Variants in TNFSF4 observed in about 807,000 individuals in gnomAD.
TNFSF4 encodes tumor necrosis factor ligand superfamily member 4.
TNFSF4 carries 4 observed loss-of-function variants against 7.3 expected under a neutral mutation model. The ratio of observed to expected loss-of-function variants is 0.55; its 90% CI spans 0.27 to 1.25. The LOEUF (loss-of-function observed/expected upper bound fraction) is 1.25, where lower values mean the gene tolerates loss of function less well. Among genes scored for constraint, TNFSF4 ranks in the 50% most tolerant of loss-of-function variants. The pLI, the probability that TNFSF4 is intolerant of heterozygous loss-of-function variation, is 0.12. For synonymous variants in TNFSF4, 76 were observed against 83.7 expected (o/e 0.91, Z 0.50); for missense variants, 181 against 208.8 (o/e 0.87, Z 0.82).
At chr1:173,215,608 T>C in the TNFSF4 span, among the ~76,000 whole-genome samples, 1 of 152,214 alleles carries the variant, frequency 6.6e-6, no homozygotes, top group African/African-American at 2.4e-5. Flanking sequence ...TGTTATGGTG[T>C]TGCAAAACAA....
the TNFSF4 span, among the ~76,000 whole-genome samples, chr1:173,359,381 A>T: frequency 6.6e-6 from 1 of 151,956 alleles, no homozygotes. Context: ...TGTTTGGAAT[A>T]AAAAGATTTT....
At chr1:173,416,191 C>T in the TNFSF4 span, among the ~76,000 whole-genome samples, 11 of 151,940 alleles carry the variant, frequency 7.2e-5, no homozygotes, top group Admixed American at 6.6e-5. Flanking sequence ...GCTCTCTGGG[C>T]ACATGTAGGC....
At chr1:173,392,776 G>A in the TNFSF4 span, among the ~76,000 whole-genome samples, 1 of 152,098 alleles carries the variant, frequency 6.6e-6, no homozygotes, top group Admixed American at 6.5e-5. Flanking sequence ...AAGGTAGGAG[G>A]AAAAGCCTTA....
the TNFSF4 span, among the ~76,000 whole-genome samples, chr1:173,233,348 T>A: frequency 5.3e-5 from 8 of 152,134 alleles, no homozygotes; most frequent in African/African-American, 1.9e-4. Context: ...CAAATCTACG[T>A]CTGATTGGTG....
chr1:173,311,211 AT>A, the TNFSF4 span, among the ~76,000 whole-genome samples: 1 of 151,956 alleles, frequency 6.6e-6, no homozygotes, highest in East Asian at 1.9e-4. Flanking sequence ...TGGATTGACC[AT>A]TTTTTATTAT....
the TNFSF4 span, chr1:173,362,653 C>A: frequency 2.3e-6 from 1 of 438,248 alleles, no homozygotes; most frequent in South Asian, 2.0e-5. Context: ...TCCATTCATC[C>A]TGTAAAGTCT....
At chr1:173,282,838 C>A in the TNFSF4 span, among the ~76,000 whole-genome samples, 1 of 152,102 alleles carries the variant, frequency 6.6e-6, no homozygotes. Context: ...ATAATAAATT[C>A]TTACTAAGGT....
chr1:173,312,028 T>C, the TNFSF4 span, among the ~76,000 whole-genome samples: 1 of 152,256 alleles, frequency 6.6e-6, no homozygotes, highest in South Asian at 2.1e-4. Context: ...TTCCATTTAC[T>C]TGATTCTGGT....
At chr1:173,439,625 T>C in the TNFSF4 span, among the ~76,000 whole-genome samples, 2 of 152,138 alleles carry the variant, frequency 1.3e-5, no homozygotes, top group Non-Finnish European at 2.9e-5. Context: ...GAGAAGAAAG[T>C]TGTATGTGAC....
the TNFSF4 span, among the ~76,000 whole-genome samples, chr1:173,439,631 G>A: frequency 6.6e-6 from 1 of 152,210 alleles, no homozygotes; most frequent in Non-Finnish European, 1.5e-5. Context: ...AAAGTTGTAT[G>A]TGACAAGAAG....
At chr1:173,181,592 C>T (rs1435361416), downstream of TNFSF4, among the ~76,000 whole-genome samples, 2 of 152,124 alleles carry the variant, frequency 1.3e-5, no homozygotes, top group African/African-American at 4.8e-5. Context: ...AGGGCTCTGG[C>T]ATAATGGTAG....
At chr1:173,219,618 T>C in the TNFSF4 span, among the ~76,000 whole-genome samples, 2 of 152,074 alleles carry the variant, frequency 1.3e-5, no homozygotes, top group Admixed American at 6.6e-5. Flanking sequence ...TGCAAAAATA[T>C]GGAACCAGCT....
the TNFSF4 span, among the ~76,000 whole-genome samples, chr1:173,231,295 A>G: frequency 6.6e-6 from 1 of 152,198 alleles, no homozygotes; most frequent in Non-Finnish European, 1.5e-5. Context: ...TTCAACATAC[A>G]CAAATCAATA....
chr1:173,218,426 A>C, the TNFSF4 span, among the ~76,000 whole-genome samples: 1 of 152,144 alleles, frequency 6.6e-6, no homozygotes, highest in Admixed American at 6.5e-5. Flanking sequence ...GCCACCGCCC[A>C]CTTCCTCACA....
upstream of TNFSF4, among the ~76,000 whole-genome samples, chr1:173,209,486 G>A (rs548104577): frequency 8.6e-5 from 13 of 152,002 alleles, no homozygotes; most frequent in South Asian, 2.1e-4. Flanking sequence ...TAAATCTATG[G>A]GCAATTTTTT....
the TNFSF4 span, among the ~76,000 whole-genome samples, chr1:173,428,287 G>A: frequency 1.3e-5 from 2 of 152,234 alleles, no homozygotes; most frequent in East Asian, 1.9e-4. Flanking sequence ...ATGGTTCATC[G>A]TTGACAGAAT....
downstream of TNFSF4, among the ~76,000 whole-genome samples, chr1:173,179,956 G>T (rs866662792): frequency 6.6e-6 from 1 of 152,134 alleles, no homozygotes; most frequent in African/African-American, 2.4e-5. Context: ...CACAGAGCTG[G>T]TTTCTTCCAA....
In TNFSF4 at chr1:173,184,608, A is replaced by G. The variant is rs1429232612; in HGVS notation, c.*1908T>C. 1.3e-5 allele frequency: 2 copies of G among 152,230 alleles called. No individual in the cohort carries two copies. Among genetic ancestry groups the G allele is most frequent in the Non-Finnish European group, 2.9e-5 (2 of 68,030 alleles). 9.4% of individuals were successfully genotyped at this position (152,230 alleles called of 1,614,324 possible). A position where few individuals can be genotyped will look rare whatever the true frequency, so the allele number is the denominator to read the frequency against. ...TAAAAATGAACCATGCATTTTCTTA[A>G]ATATTACCTATAGTCATAAACGTTT... On this transcript the variant is annotated 3_prime_UTR_variant, in exon 3 of 3. Transcript: ENST00000281834.
chr1:173,327,107 C>T, the TNFSF4 span, among the ~76,000 whole-genome samples: 1 of 152,316 alleles, frequency 6.6e-6, no homozygotes, highest in East Asian at 1.9e-4. Flanking sequence ...TGCTACCTGA[C>T]TTCAAACTAT....
Sources: allele counts gnomAD v4.1 joint callset (sites outside exome capture counted in the v4.1 genomes callset), GRCh38; gene constraint gnomAD v4.1.1; transcripts MANE v1.5; gene names NCBI Gene and HGNC (gene_info 2026-07-23, HGNC 2026-07-21).